FBXO34: variants seen among roughly 807,000 people sequenced by gnomAD.
FBXO34 encodes the protein F-box only protein 34.
FBXO34 carries 12 observed loss-of-function variants against 24.5 expected under a neutral mutation model. The observed-to-expected ratio is 0.49, with a 90% CI of 0.31 to 0.79. FBXO34 has a LOEUF of 0.79. FBXO34 is among the 30% of genes least tolerant of loss of function. The pLI is 0.04. For missense variants in FBXO34, 823 were observed against 857.7 expected (o/e 0.96, Z 0.51); for synonymous variants, 320 against 311.9 (o/e 1.03, Z -0.27).
chr14:55,311,329 A>G (rs1013276005), intron 1 of FBXO34, among the ~76,000 whole-genome samples: 1 of 152,184 alleles, frequency 6.6e-6, no homozygotes, highest in Admixed American at 6.5e-5. Context: ...CTCTCCCTTG[A>G]CATGTGGGGA....
At position 55,331,753 on chromosome 14, in the gene FBXO34, A is replaced by ATGTG. The variant is rs1168898118; in HGVS notation, c.-10-18627_-10-18626insGTGT. On this transcript the variant is annotated intron_variant, in intron 1 of 1. Transcript: ENST00000313833. Reference sequence around the variant, plus strand: ...TGTATATATATATGTGTGTATATATATATATATGTATATATATATATATAT... The same window carrying ATGTG: ...TGTATATATATATGTGTGTATATATATGTGTATATATGTATATATATATATATAT... 8.1e-4 allele frequency among the ~76,000 whole-genome samples: 49 copies of ATGTG among 60,198 alleles called. 16 individuals are homozygous for ATGTG. Among genetic ancestry groups the ATGTG allele is most frequent in the African/African-American group, 8.0e-3 (43 of 5,380 alleles). The allele number at this position is 60,198 out of a possible 152,430, so 39.5% of individuals were successfully genotyped here. A position where few individuals can be genotyped will look rare whatever the true frequency, so the allele number is the denominator to read the frequency against.
chr14:55,345,701 T>C (rs1156855186), intron 1 of FBXO34, among the ~76,000 whole-genome samples: 3 of 152,204 alleles, frequency 2.0e-5, no homozygotes, highest in Non-Finnish European at 4.4e-5. Flanking sequence ...TTAGGACATT[T>C]CTGATAATAA....
downstream of FBXO34, among the ~76,000 whole-genome samples, chr14:55,362,281 T>C (rs527282334): frequency 1.3e-5 from 2 of 152,328 alleles, no homozygotes; most frequent in South Asian, 2.1e-4. Flanking sequence ...TGCTCTCTTA[T>C]ACAGACAGTT....
At chr14:55,389,500 A>T in the FBXO34 span, among the ~76,000 whole-genome samples, 1 of 152,314 alleles carries the variant, frequency 6.6e-6, no homozygotes, top group South Asian at 2.1e-4. Flanking sequence ...TTTTCAATGG[A>T]AGCTTTACAC....
chr14:55,360,258 A>G (rs1036834092), intron 3 of FBXO34, among the ~76,000 whole-genome samples: 2 of 151,986 alleles, frequency 1.3e-5, no homozygotes, highest in Non-Finnish European at 2.9e-5. Context: ...TTTTTAGTAG[A>G]GACGGGGTTT....
chr14:55,388,015 T>A, the FBXO34 span, among the ~76,000 whole-genome samples: 6 of 152,058 alleles, frequency 3.9e-5, no homozygotes, highest in Admixed American at 3.9e-4. Context: ...TGGGTGCTTG[T>A]AATCCCAGCT....
chr14:55,328,122 A>C (rs1034656781), intron 1 of FBXO34, among the ~76,000 whole-genome samples: 2 of 150,984 alleles, frequency 1.3e-5, no homozygotes, highest in Non-Finnish European at 2.9e-5. Context: ...ATGATCGGCT[A>C]ATTTTTTTGT....
At chr14:55,408,910 A>G in the FBXO34 span, among the ~76,000 whole-genome samples, 1 of 152,242 alleles carries the variant, frequency 6.6e-6, no homozygotes, top group Non-Finnish European at 1.5e-5. Flanking sequence ...AAATCACATG[A>G]GGCTTCGTAT....
downstream of FBXO34, among the ~76,000 whole-genome samples, chr14:55,372,769 C>G (rs966206311): frequency 7.2e-5 from 11 of 152,096 alleles, no homozygotes; most frequent in African/African-American, 2.7e-4. Context: ...TTTGATGCTG[C>G]CTTCTCCAAT....
chr14:55,295,192 C>G (rs1426229145), intron 1 of FBXO34, among the ~76,000 whole-genome samples: 1 of 152,148 alleles, frequency 6.6e-6, no homozygotes, highest in Non-Finnish European at 1.5e-5. Flanking sequence ...GAAAAAACCT[C>G]TAGGTTTGAA....
intron 1 of FBXO34, among the ~76,000 whole-genome samples, chr14:55,336,189 C>G (rs1334155041): frequency 1.3e-5 from 2 of 152,194 alleles, no homozygotes; most frequent in Non-Finnish European, 2.9e-5. Flanking sequence ...CTGCTGTTGT[C>G]TTTCAGTTCT....
intron 1 of FBXO34, among the ~76,000 whole-genome samples, chr14:55,284,103 G>T (rs1881668033): frequency 6.6e-6 from 1 of 152,010 alleles, no homozygotes; most frequent in African/African-American, 2.4e-5. Flanking sequence ...AGCTCAAGCA[G>T]TCCTCTTGCC....
intron 1 of FBXO34, among the ~76,000 whole-genome samples, chr14:55,283,930 T>C (rs1182976599): frequency 1.3e-5 from 2 of 148,228 alleles, no homozygotes; most frequent in South Asian, 4.3e-4. Flanking sequence ...AACGTGACTT[T>C]ACATTCTAAG....
At chr14:55,273,174 GT>G (rs879464568) in intron 1 of FBXO34, among the ~76,000 whole-genome samples, 59 of 146,200 alleles carry the variant, frequency 4.0e-4, no homozygotes, top group East Asian at 1.8e-3. Flanking sequence ...TAATGGTACG[GT>G]TTTTTTTTTT....
intron 1 of FBXO34, among the ~76,000 whole-genome samples, chr14:55,348,231 G>T (rs370593895): frequency 7.8e-4 from 119 of 152,104 alleles, no homozygotes; most frequent in African/African-American, 2.3e-3. Context: ...GGGTTTTTTT[G>T]TTGTTGTTGT....
At chr14:55,411,594 C>T in the FBXO34 span, 9 of 1,602,192 alleles carry the variant, frequency 5.6e-6, no homozygotes, top group Non-Finnish European at 6.8e-6. Context: ...CCGTGGCGGC[C>T]GCCGTACCTC....
chr14:55,399,009 G>C, the FBXO34 span, among the ~76,000 whole-genome samples: 3 of 152,252 alleles, frequency 2.0e-5, no homozygotes, highest in South Asian at 6.2e-4. Context: ...CAGCAAAAAG[G>C]AAAACAATTC....
chr14:55,370,420 A>T (rs758340197), downstream of FBXO34, among the ~76,000 whole-genome samples: 42 of 152,222 alleles, frequency 2.8e-4, no homozygotes, highest in Non-Finnish European at 4.4e-4. Flanking sequence ...ATTTTCTAGG[A>T]CACATTTCTA....
the FBXO34 span, among the ~76,000 whole-genome samples, chr14:55,401,203 T>A: frequency 6.6e-6 from 1 of 152,052 alleles, no homozygotes; most frequent in Non-Finnish European, 1.5e-5. Context: ...CAACTTTTCA[T>A]ATTTTACTGG....
Sources: allele counts gnomAD v4.1 joint callset (sites outside exome capture counted in the v4.1 genomes callset), GRCh38; gene constraint gnomAD v4.1.1; transcripts MANE v1.5; gene names NCBI Gene and HGNC (gene_info 2026-07-23, HGNC 2026-07-21).